The following BRWD1 variants were observed in gnomAD, a reference collection of about 807,000 sequenced individuals.
BRWD1 encodes the protein bromodomain and WD repeat-containing protein 1.
Under a neutral mutation model 251.2 loss-of-function variants are expected in BRWD1, and 82 were observed. The observed-to-expected ratio is 0.33, with a 90% CI of 0.27 to 0.39. The LOEUF is 0.39. Among genes scored for constraint, BRWD1 ranks in the 10% least tolerant of loss-of-function variants. BRWD1 has a pLI of 1.00. For synonymous variants in BRWD1, 918 were observed against 902.8 expected (o/e 1.02, Z -0.30); for missense variants, 2,233 against 2,711.6 (o/e 0.82, Z 3.92).
chr21:39,211,480 T>C (rs1411365246), intron 34 of BRWD1, among the ~76,000 whole-genome samples: 3 of 152,124 alleles, frequency 2.0e-5, no homozygotes, highest in Admixed American at 6.6e-5. Flanking sequence ...AAATGCTACA[T>C]TGTTGGCTTG....
At position 39,264,522 on chromosome 21, in the gene BRWD1, A is replaced by G; in HGVS notation, c.1823T>C (p.Val608Ala). 3.1e-6 allele frequency: 5 copies of G among 1,613,376 alleles called. No individual in the cohort carries two copies. The highest frequency in any genetic ancestry group is 4.2e-6 in the Non-Finnish European group (5 of 1,179,842). ...ATCTGCAGAATTTTCTCGGCCTGGT[A>G]CTAATCTCTGATACTTGGTTGGATG... ...NPHPTKYQRL[V>A]PGRENSADEH... is the part of the protein sequence containing the mutation. The change falls in exon 17 of 41, where the codon GTA becomes GCA. Residue 608 changes from valine to alanine, a missense_variant. By Grantham distance (64) the Val-to-Ala change is moderately conservative (BLOSUM62 0). Coordinates refer to ENST00000342449, the MANE Select transcript of BRWD1 (RefSeq NM_033656.4).
upstream of BRWD1, chr21:39,314,524 T>G (rs938836869): frequency 8.4e-6 from 3 of 355,640 alleles, no homozygotes; most frequent in African/African-American, 6.4e-5. Flanking sequence ...AGAATCCTCT[T>G]GGAAGACTAG....
At chr21:39,197,438 C>A (rs1332332098) in intron 40 of BRWD1, 23 bp from the exon 41 acceptor site, 2 of 1,505,984 alleles carry the variant, frequency 1.3e-6, no homozygotes, top group Admixed American at 4.4e-5. Context: ...GAGCAGATTT[C>A]TATTAATCTT....
Position 39,189,712 on chromosome 21 carries a change from T to C in BRWD1, c.*6547A>G, listed in dbSNP as rs1027720920. 42 of 981,444 alleles carry C rather than the reference T, an allele frequency of 4.3e-5. No homozygotes were observed. The African/African-American group carries it at 7.0e-4, about 16-fold the overall frequency. 60.8% of individuals were successfully genotyped at this position (981,444 alleles called of 1,614,324 possible). A position where few individuals can be genotyped will look rare whatever the true frequency, so the allele number is the denominator to read the frequency against. ...TTAAATACATTCAAGTCAGTGTTAATTTTATTACTGAAAACTGAGTAAATT... is the reference window on the plus strand; with the variant it reads ...TTAAATACATTCAAGTCAGTGTTAACTTTATTACTGAAAACTGAGTAAATT... On this transcript the variant is annotated 3_prime_UTR_variant, in exon 41 of 41. Transcript: ENST00000342449.
chr21:39,317,082 G>C (rs1224494097), upstream of BRWD1: 1 of 152,134 alleles, frequency 6.6e-6, no homozygotes, highest in Non-Finnish European at 1.5e-5. Context: ...ATATCTTCCC[G>C]ATTCGACTCC....
At chr21:39,209,835 A>C (rs956975421) in intron 36 of BRWD1, 160 bp downstream of exon 36, 80 of 659,734 alleles carry the variant, frequency 1.2e-4, no homozygotes, top group African/African-American at 1.8e-5. Flanking sequence ...GCAGTAGCAG[A>C]AGCTCTTTTC....
chr21:39,188,061 G>C lies in BRWD1; in HGVS notation c.*8198C>G. Reference sequence around the variant, plus strand: ...AGCTCTACACAGCCACATGATGCCAGAGCTACTACTCCGTGCTGACCAAAC... The same window carrying C: ...AGCTCTACACAGCCACATGATGCCACAGCTACTACTCCGTGCTGACCAAAC... On this transcript the variant is annotated 3_prime_UTR_variant, in exon 41 of 41. Transcript: ENST00000342449. 1.0e-6 allele frequency: 1 copy of C among 985,432 alleles called. No individual in the cohort carries two copies. The highest frequency in any genetic ancestry group is 1.2e-6 in the Non-Finnish European group (1 of 829,916). The allele number at this position is 985,432 out of a possible 1,614,324, so 61.0% of individuals were successfully genotyped here.
At position 39,191,953 on chromosome 21, in the gene BRWD1, TGTATA is replaced by T; in HGVS notation, c.*4301_*4305del. 3 of 985,116 alleles carry T rather than the reference TGTATA, an allele frequency of 3.0e-6. No homozygotes were observed. The South Asian group carries it at 1.4e-4, about 46-fold the overall frequency. 61.0% of individuals were successfully genotyped at this position (985,116 alleles called of 1,614,324 possible). On this transcript the variant is annotated 3_prime_UTR_variant, in exon 41 of 41. Coordinates refer to ENST00000342449, the MANE Select transcript of BRWD1 (RefSeq NM_033656.4). The stretch of plus-strand genomic sequence containing the variant: ...GGTCTTGCCATACTTGAGAAACAGA[TGTATA>T]GTCTAATTATTTACATGTTGCCAAA...
intron 5 of BRWD1, chr21:39,297,085 G>A (rs2035981302): frequency 3.0e-6 from 3 of 985,266 alleles, no homozygotes; most frequent in Non-Finnish European, 2.4e-6. Context: ...CTAATTCAAA[G>A]TCCATCCCTC....
intron 17 of BRWD1, among the ~76,000 whole-genome samples, chr21:39,261,782 AGAAAAAG>A (rs1288714060): frequency 6.6e-5 from 10 of 152,138 alleles, no homozygotes; most frequent in African/African-American, 2.2e-4. Context: ...GAAAAAAAAA[AGAAAAAG>A]GAAAAAGGCA....
chr21:39,293,323 T>C (rs1160406858), intron 8 of BRWD1, among the ~76,000 whole-genome samples: 1 of 152,028 alleles, frequency 6.6e-6, no homozygotes, highest in African/African-American at 2.4e-5. Flanking sequence ...TGAAACCCTG[T>C]CTCTACTAAA....
At chr21:39,313,362 G>A in intron 1 of BRWD1, 63 bp from the exon 2 acceptor site, 2 of 1,479,588 alleles carry the variant, frequency 1.4e-6, no homozygotes, top group Non-Finnish European at 1.8e-6. Flanking sequence ...GGGGCCAGGG[G>A]AGCCGGGGGA....
chr21:39,228,876 T>A (rs773004416), intron 26 of BRWD1, among the ~76,000 whole-genome samples: 3 of 152,214 alleles, frequency 2.0e-5, no homozygotes, highest in Non-Finnish European at 4.4e-5. Context: ...AAAAAATGTT[T>A]ATGCCTCATA....
chr21:39,210,013 T>C lies in BRWD1; in HGVS notation c.4179A>G (p.Thr1393=). 2 of 1,613,442 alleles carry C rather than the reference T, an allele frequency of 1.2e-6. No individual in the cohort carries two copies. Among genetic ancestry groups the C allele is most frequent in the East Asian group, 4.5e-5 (2 of 44,798 alleles). ...RLIFSNAKAY[T]PNKRSKIYSM... is the part of the protein sequence containing the mutation. ...AAATTACCTTTGATCTTTTGTTTGG[T>C]GTATACGCTTTTGCATTGCTAAATA... Residue 1393 remains threonine (T), a synonymous_variant, in exon 36 of 41, where the codon ACA becomes ACG. Coordinates refer to ENST00000342449, the MANE Select transcript of BRWD1 (RefSeq NM_033656.4).
At position 39,298,589 on chromosome 21, in the gene BRWD1, G is replaced by A; in HGVS notation, c.199-7C>T. 6.4e-7 allele frequency: 1 copy of A among 1,572,648 alleles called. No individual in the cohort carries two copies. Among genetic ancestry groups the A allele is most frequent in the South Asian group, 1.2e-5 (1 of 83,296 alleles). Reference sequence around the variant, plus strand: ...CATGCTTATTGGACAAGACCTAGTTGGAGAGCAAGTTTTAATGACAACAGC... The same window carrying A: ...CATGCTTATTGGACAAGACCTAGTTAGAGAGCAAGTTTTAATGACAACAGC... On this transcript the variant is annotated splice_region_variant and splice_polypyrimidine_tract_variant and intron_variant, in intron 4 of 40. Coordinates refer to ENST00000342449, the MANE Select transcript of BRWD1 (RefSeq NM_033656.4).
chr21:39,313,396 A>T, intron 1 of BRWD1, 47 bp downstream of exon 1: 1 of 1,447,080 alleles, frequency 6.9e-7, no homozygotes, highest in Non-Finnish European at 9.1e-7. Flanking sequence ...GGGAAGCCGA[A>T]GCAGCCGGGA....
intron 8 of BRWD1, among the ~76,000 whole-genome samples, chr21:39,283,289 A>G (rs538848963): frequency 6.6e-6 from 1 of 152,342 alleles, no homozygotes; most frequent in East Asian, 1.9e-4. Context: ...CTGATTTTAT[A>G]GCATAATCAG....
At chr21:39,263,381 G>A (rs2034818000) in intron 17 of BRWD1, among the ~76,000 whole-genome samples, 1 of 152,030 alleles carries the variant, frequency 6.6e-6, no homozygotes, top group Non-Finnish European at 1.5e-5. Context: ...ACAGAGAAAA[G>A]TACAAGACAA....
chr21:39,311,234 G>A (rs1303253205), intron 4 of BRWD1, among the ~76,000 whole-genome samples: 1 of 152,010 alleles, frequency 6.6e-6, no homozygotes, highest in African/African-American at 2.4e-5. Context: ...GTGGCAGGAG[G>A]ATAGTTCAAT....
Sources: allele counts gnomAD v4.1 joint callset (sites outside exome capture counted in the v4.1 genomes callset), GRCh38; gene constraint gnomAD v4.1.1; transcripts MANE v1.5; gene names NCBI Gene and HGNC (gene_info 2026-07-23, HGNC 2026-07-21).